ZNF486: variants seen among roughly 807,000 people sequenced by gnomAD.
ZNF486 encodes the protein zinc finger protein 486, also known as KRAB box only protein 2.
In ZNF486, 12 loss-of-function variants were observed where a neutral mutation model predicts 12.8. That is an observed-to-expected ratio of 0.94 (90% CI 0.60 to 1.52). The LOEUF (loss-of-function observed/expected upper bound fraction) is 1.52. ZNF486 is among the 40% of genes most tolerant of loss of function. The pLI is 0.00. For missense variants in ZNF486, 738 were observed against 545.0 expected (o/e 1.35, Z -3.53); for synonymous variants, 231 against 184.9 (o/e 1.25, Z -2.02).
intron 3 of ZNF486, among the ~76,000 whole-genome samples, chr19:20,189,742 A>G (rs1213903401): frequency 6.6e-6 from 1 of 152,178 alleles, no homozygotes; most frequent in Non-Finnish European, 1.5e-5. Context: ...TTCACATGAA[A>G]TCTGCAAATG....
chr19:20,177,858 G>A (rs1199100641), intron 1 of ZNF486, among the ~76,000 whole-genome samples: 3 of 151,436 alleles, frequency 2.0e-5, no homozygotes, highest in East Asian at 3.9e-4. Flanking sequence ...TTACAGGCAC[G>A]AGCCACCACA....
chr19:20,169,191 C>G (rs1369974206), intron 1 of ZNF486, among the ~76,000 whole-genome samples: 3 of 151,740 alleles, frequency 2.0e-5, no homozygotes, highest in African/African-American at 7.3e-5. Context: ...CTCGGCTCAC[C>G]GCATCCTCTA....
Position 20,197,518 on chromosome 19 carries a change from G to C in ZNF486, c.808G>C (p.Glu270Gln). 1 of 1,612,462 alleles carries C rather than the reference G, an allele frequency of 6.2e-7. No homozygotes were observed. Among genetic ancestry groups the C allele is most frequent in the Non-Finnish European group, 8.5e-7 (1 of 1,179,274 alleles). Residue 270 changes from glutamate to glutamine, a missense_variant, in exon 4 of 4, where the codon GAA becomes CAA. Glu to Gln is a conservative substitution (Grantham distance 29, BLOSUM62 2). Coordinates refer to ENST00000335117, the MANE Select transcript of ZNF486 (RefSeq NM_052852.4). ...HSGEKPYICE[E>Q]CGKAFMYPYT... ...TGGAGAGAAACCCTACATTTGTGAA[G>C]AATGTGGCAAAGCCTTTATGTACCC...
chr19:20,190,408 A>G (rs1469870240), intron 3 of ZNF486, among the ~76,000 whole-genome samples: 1 of 152,226 alleles, frequency 6.6e-6, no homozygotes, highest in Non-Finnish European at 1.5e-5. Flanking sequence ...TTGTTTTAAG[A>G]CAAGATCTTA....
intron 1 of ZNF486, among the ~76,000 whole-genome samples, chr19:20,178,942 C>T (rs2089754022): frequency 6.6e-6 from 1 of 152,238 alleles, no homozygotes; most frequent in African/African-American, 2.4e-5. Context: ...CTTTCACCTT[C>T]CTCCTCTTGC....
At chr19:20,188,669 C>T in intron 3 of ZNF486, 1 of 388,040 alleles carries the variant, frequency 2.6e-6, no homozygotes. Flanking sequence ...AAAAGCTGTT[C>T]ATTTCAGGCA....
chr19:20,185,272 AT>A (rs1367083374), intron 2 of ZNF486, among the ~76,000 whole-genome samples: 1 of 151,876 alleles, frequency 6.6e-6, no homozygotes. Flanking sequence ...AGTAAATAAG[AT>A]TTTTTCTTTC....
chr19:20,169,780 C>G (rs112087323), intron 1 of ZNF486, among the ~76,000 whole-genome samples: 15 of 149,588 alleles, frequency 1.0e-4, no homozygotes, highest in Admixed American at 2.7e-4. Flanking sequence ...TAGAAAAAAG[C>G]GGGGAGGGGA....
chr19:20,177,104 T>G (rs1461893107), intron 1 of ZNF486: 2 of 152,218 alleles, frequency 1.3e-5, no homozygotes, highest in African/African-American at 2.4e-5. Context: ...AGTGCTGCTG[T>G]GGCAAATGGG....
chr19:20,183,113 T>C (rs1243793748), intron 1 of ZNF486, among the ~76,000 whole-genome samples: 1 of 152,202 alleles, frequency 6.6e-6, no homozygotes, highest in African/African-American at 2.4e-5. Context: ...CAGAGCTTTC[T>C]CTGCATTCTC....
At chr19:20,178,371 A>G (rs1358080393) in intron 1 of ZNF486, among the ~76,000 whole-genome samples, 2 of 151,868 alleles carry the variant, frequency 1.3e-5, no homozygotes, top group African/African-American at 4.8e-5. Context: ...AGCCTCCTGA[A>G]TAGCTGGGAC....
intron 3 of ZNF486, among the ~76,000 whole-genome samples, chr19:20,194,343 T>A (rs1353747742): frequency 6.6e-6 from 1 of 152,252 alleles, no homozygotes; most frequent in Non-Finnish European, 1.5e-5. Flanking sequence ...ATTTTGCTGA[T>A]GGCATTATTG....
At chr19:20,169,954 G>A (rs939585032) in intron 1 of ZNF486, among the ~76,000 whole-genome samples, 1 of 146,944 alleles carries the variant, frequency 6.8e-6, no homozygotes, top group African/African-American at 2.6e-5. Flanking sequence ...GCAGTGGCGC[G>A]ATCTCGGCTC....
intron 3 of ZNF486, among the ~76,000 whole-genome samples, chr19:20,196,484 A>G (rs976687731): frequency 1.3e-5 from 2 of 152,128 alleles, no homozygotes; most frequent in African/African-American, 4.8e-5. Context: ...GCCCATGACC[A>G]TGACTGGCTA....
At chr19:20,196,699 A>C (rs183331203) in intron 3 of ZNF486, among the ~76,000 whole-genome samples, 12 of 150,666 alleles carry the variant, frequency 8.0e-5, no homozygotes, top group African/African-American at 2.9e-4. Flanking sequence ...AAGTAACAGA[A>C]TTTTCTTTAT....
At chr19:20,190,179 T>G (rs141752889) in intron 3 of ZNF486, among the ~76,000 whole-genome samples, 1,944 of 152,300 alleles carry the variant, frequency 0.013, 47 homozygotes, top group African/African-American at 0.044. Context: ...CAGTATCACA[T>G]TGTTTATGTT....
rs1555718263 is a variant in ZNF486, at chr19:20,197,643, A to T, written c.933A>T (p.Ser311=). 3.1e-6 allele frequency: 5 copies of T among 1,613,730 alleles called. No homozygotes were observed. The highest frequency in any genetic ancestry group is 4.2e-6 in the Non-Finnish European group (5 of 1,179,846). The change falls in exon 4 of 4, where the codon TCA becomes TCT. Residue 311 remains serine, a synonymous_variant. Transcript: ENST00000335117. ...KAFNHPATLS[S]HKKIHTGEKP... ...TTAACCATCCTGCAACTCTTTCTTCACATAAGAAAATTCATACTGGAGAGA... is the reference window on the plus strand; with the variant it reads ...TTAACCATCCTGCAACTCTTTCTTCTCATAAGAAAATTCATACTGGAGAGA...
In ZNF486 at chr19:20,200,177, T is replaced by C. The variant is rs1555718706; in HGVS notation, c.*2075T>C. The C allele has an allele frequency of 6.7e-6, 1 of 149,436 alleles. No individual in the cohort carries two copies. Among genetic ancestry groups the C allele is most frequent in the Non-Finnish European group, 1.5e-5 (1 of 68,030 alleles). 9.3% of individuals were successfully genotyped at this position (149,436 alleles called of 1,614,324 possible). A position where few individuals can be genotyped will look rare whatever the true frequency, so the allele number is the denominator to read the frequency against. On this transcript the variant is annotated 3_prime_UTR_variant, in exon 4 of 4. Transcript: ENST00000335117. ...ACTTTATGCTGTTATTTTATTCTTATTGTATTCACATGTGAAAGCATGTGA... is the reference window on the plus strand; with the variant it reads ...ACTTTATGCTGTTATTTTATTCTTACTGTATTCACATGTGAAAGCATGTGA...
In ZNF486 at chr19:20,200,217, A is replaced by C. The variant is rs1349577811; in HGVS notation, c.*2115A>C. 6.6e-6 allele frequency: 1 copy of C among 152,186 alleles called. No homozygotes were observed. Among genetic ancestry groups the C allele is most frequent in the Non-Finnish European group, 1.5e-5 (1 of 68,034 alleles). The allele number at this position is 152,186 out of a possible 1,614,324, so 9.4% of individuals were successfully genotyped here. On this transcript the variant is annotated 3_prime_UTR_variant, in exon 4 of 4. Transcript: ENST00000335117. The stretch of plus-strand genomic sequence containing the variant: ...AAAGCATGTGATCAATTTTTGCTGC[A>C]TCAGAGATATTAGAGATAGTTTTTT...
Sources: gnomAD v4.1 joint callset for allele counts (sites outside exome capture counted in the v4.1 genomes callset) on GRCh38, gnomAD v4.1.1 for gene constraint, MANE v1.5 for transcripts, NCBI Gene and HGNC (gene_info 2026-07-23, HGNC 2026-07-21) for gene names.